SEMA3E: variants seen among roughly 807,000 people sequenced by gnomAD.
The protein encoded by SEMA3E is semaphorin-3E.
A neutral mutation model predicts 93.6 loss-of-function variants in SEMA3E; 49 were observed. The ratio of observed to expected loss-of-function variants is 0.52; its 90% CI spans 0.42 to 0.66. The LOEUF (loss-of-function observed/expected upper bound fraction) is 0.66, where lower values mean the gene tolerates loss of function less well. SEMA3E is among the 30% of genes least tolerant of loss of function. The probability of loss-of-function intolerance (pLI) is 0.00; values close to 1 mark genes in which losing one functional copy is unlikely to be tolerated. For synonymous variants in SEMA3E, 363 were observed against 330.7 expected (o/e 1.10, Z -1.06); for missense variants, 906 against 964.8 (o/e 0.94, Z 0.81).
intron 4 of SEMA3E, among the ~76,000 whole-genome samples, chr7:83,426,899 C>T (rs1788781921): frequency 6.6e-6 from 1 of 151,982 alleles, no homozygotes; most frequent in East Asian, 1.9e-4. Flanking sequence ...TTCTTAATTT[C>T]TTCAGACACC....
intron 4 of SEMA3E, among the ~76,000 whole-genome samples, chr7:83,423,042 A>G (rs1357028254): frequency 2.6e-5 from 4 of 152,174 alleles, no homozygotes; most frequent in South Asian, 2.1e-4. Context: ...AGTATCTTAC[A>G]TACCAGTGTG....
chr7:83,619,920 TAGAC>T (rs752904476), intron 1 of SEMA3E, among the ~76,000 whole-genome samples: 3,076 of 136,642 alleles, frequency 0.023, 69 homozygotes, highest in African/African-American at 0.075. Flanking sequence ...GATAGATAGA[TAGAC>T]AGATAGATAG....
At chr7:83,412,739 C>T (rs953304568) in intron 5 of SEMA3E, among the ~76,000 whole-genome samples, 1 of 137,444 alleles carries the variant, frequency 7.3e-6, no homozygotes, top group Admixed American at 7.8e-5. Context: ...TCCAGCCGAG[C>T]CAGACCCTGC....
intron 4 of SEMA3E, among the ~76,000 whole-genome samples, chr7:83,463,907 G>A (rs914740953): frequency 2.0e-5 from 3 of 152,134 alleles, no homozygotes; most frequent in Non-Finnish European, 4.4e-5. Flanking sequence ...AACATGCCCT[G>A]AGTCAGATAA....
intron 4 of SEMA3E, among the ~76,000 whole-genome samples, chr7:83,463,570 T>C (rs1315018415): frequency 1.3e-5 from 2 of 152,138 alleles, no homozygotes; most frequent in African/African-American, 4.8e-5. Context: ...TGTATCTCTC[T>C]GATCCACCTG....
chr7:83,417,569 C>T (rs1160171324), intron 5 of SEMA3E, among the ~76,000 whole-genome samples: 1 of 152,108 alleles, frequency 6.6e-6, no homozygotes, highest in Non-Finnish European at 1.5e-5. Flanking sequence ...CTGCACCATA[C>T]ATGCATCAGA....
At chr7:83,393,171 G>T (rs1788051654) in intron 13 of SEMA3E, among the ~76,000 whole-genome samples, 1 of 151,636 alleles carries the variant, frequency 6.6e-6, no homozygotes, top group Admixed American at 6.6e-5. Flanking sequence ...AACTTGACAA[G>T]AACTCAAGAA....
chr7:83,615,827 A>T (rs1793354530), intron 1 of SEMA3E, among the ~76,000 whole-genome samples: 1 of 152,128 alleles, frequency 6.6e-6, no homozygotes, highest in Non-Finnish European at 1.5e-5. Flanking sequence ...AAATGTTTTC[A>T]GCAAGCATTG....
chr7:83,384,986 A>G (rs1422223782), intron 16 of SEMA3E, among the ~76,000 whole-genome samples: 1 of 151,834 alleles, frequency 6.6e-6, no homozygotes, highest in Non-Finnish European at 1.5e-5. Flanking sequence ...TGACAACATG[A>G]CCATAAAATC....
intron 1 of SEMA3E, among the ~76,000 whole-genome samples, chr7:83,599,938 T>C (rs139022176): frequency 9.8e-5 from 15 of 152,350 alleles, no homozygotes; most frequent in African/African-American, 3.4e-4. Flanking sequence ...TGAATGGGCC[T>C]TTTCTACACA....
chr7:83,423,557 G>A (rs1446773485), intron 4 of SEMA3E, among the ~76,000 whole-genome samples: 1 of 147,298 alleles, frequency 6.8e-6, no homozygotes, highest in Non-Finnish European at 1.5e-5. Flanking sequence ...AGGCTGGAGT[G>A]CAGTGGCACC....
At position 83,609,403 on chromosome 7, in the gene SEMA3E, A is replaced by T. The variant is rs141558896; in HGVS notation, c.115+39025T>A. On this transcript the variant is annotated intron_variant, in intron 1 of 16. Coordinates refer to ENST00000643230, the MANE Select transcript of SEMA3E (RefSeq NM_012431.3). ...TTGCTTAGAATCTATGTTTTCAGAG[A>T]CAAAGTGATTGAGTTGGCTAGCATC... Among the ~76,000 whole-genome samples the T allele has an allele frequency of 2.4e-3, 365 of 152,126 alleles. 1 individual carries two copies. The highest frequency in any genetic ancestry group is 0.017 in the Middle Eastern group (5 of 294).
intron 1 of SEMA3E, among the ~76,000 whole-genome samples, chr7:83,571,543 C>T (rs746907617): frequency 8.5e-5 from 13 of 152,134 alleles, no homozygotes; most frequent in Non-Finnish European, 1.8e-4. Flanking sequence ...TAAAAACCCT[C>T]AACAAACCAG....
At chr7:83,394,190 A>G (rs1259921272) in intron 13 of SEMA3E, 107 bp downstream of exon 13, 2 of 1,197,510 alleles carry the variant, frequency 1.7e-6, no homozygotes, top group Non-Finnish European at 2.4e-6. Flanking sequence ...TAAAACTGTA[A>G]TAAGTTCATA....
At chr7:83,435,693 C>T (rs950800648) in intron 4 of SEMA3E, among the ~76,000 whole-genome samples, 2 of 152,156 alleles carry the variant, frequency 1.3e-5, no homozygotes, top group Non-Finnish European at 2.9e-5. Context: ...CACCAAACCT[C>T]ACCTGTATAT....
At chr7:83,422,943 A>T (rs375060479) in intron 4 of SEMA3E, among the ~76,000 whole-genome samples, 123 of 152,348 alleles carry the variant, frequency 8.1e-4, no homozygotes, top group African/African-American at 2.9e-3. Flanking sequence ...TTTCATAGAA[A>T]AGTTACAGGT....
intron 4 of SEMA3E, among the ~76,000 whole-genome samples, chr7:83,440,960 T>C (rs1311504239): frequency 2.0e-5 from 3 of 152,204 alleles, no homozygotes; most frequent in Non-Finnish European, 4.4e-5. Context: ...ACACTAGCTA[T>C]CTGAGATATA....
rs547253755 is a variant in SEMA3E, at chr7:83,456,350, T to C, written c.456+10132A>G. ...AGTAGTTTATATTTGTATCACTTGTTACTGTTTAAAAAGTGCTCTGAGACT... is the reference window on the plus strand; with the variant it reads ...AGTAGTTTATATTTGTATCACTTGTCACTGTTTAAAAAGTGCTCTGAGACT... On this transcript the variant is annotated intron_variant, in intron 4 of 16. Coordinates refer to ENST00000643230, the MANE Select transcript of SEMA3E (RefSeq NM_012431.3). Among the ~76,000 whole-genome samples the C allele has an allele frequency of 1.4e-4, 22 of 152,276 alleles. 1 individual carries two copies. The East Asian group carries it at 4.1e-3, about 28-fold the overall frequency.
Position 83,611,168 on chromosome 7 carries a change from TC to T in SEMA3E, c.115+37259del, listed in dbSNP as rs374972090. ...CCAGCCACTGCTCTGCTTTAAGAAA[TC>T]CCGTCTCTTACCTACTCAAGGAAAT... On this transcript the variant is annotated intron_variant, in intron 1 of 16. Coordinates refer to ENST00000643230, the MANE Select transcript of SEMA3E (RefSeq NM_012431.3). Among the ~76,000 whole-genome samples, 50 of 150,248 alleles carry T rather than the reference TC, an allele frequency of 3.3e-4. No individual in the cohort carries two copies. The East Asian group carries it at 7.8e-3, about 24-fold the overall frequency.
Sources: gnomAD v4.1 joint callset for allele counts (sites outside exome capture counted in the v4.1 genomes callset) on GRCh38, gnomAD v4.1.1 for gene constraint, MANE v1.5 for transcripts, NCBI Gene and HGNC (gene_info 2026-07-23, HGNC 2026-07-21) for gene names.